The following HS3ST4 variants were observed in gnomAD, a reference collection of about 807,000 sequenced individuals.
The protein encoded by HS3ST4 is heparan sulfate glucosamine 3-O-sulfotransferase 4.
HS3ST4 carries 17 observed loss-of-function variants against 29.2 expected under a neutral mutation model. The observed-to-expected ratio is 0.58, with a 90% CI of 0.40 to 0.87. HS3ST4 has a LOEUF of 0.87. Among genes scored for constraint, HS3ST4 ranks in the 40% least tolerant of loss-of-function variants. The pLI is 0.00. For synonymous variants in HS3ST4, 314 were observed against 285.7 expected, an observed-to-expected ratio of 1.10 and a Z score of -1.00; for missense variants, 627 against 634.5, an observed-to-expected ratio of 0.99 and a Z score of 0.13.
chr16:26,114,588 G>A (rs995271968), intron 1 of HS3ST4, among the ~76,000 whole-genome samples: 1 of 152,208 alleles, frequency 6.6e-6, no homozygotes, highest in South Asian at 2.1e-4. Context: ...GTCAATAGTG[G>A]AAGCAGAGTG....
In HS3ST4 at chr16:26,051,319, A is replaced by G. The variant is rs533640836; in HGVS notation, c.735-84293A>G. 8.7e-4 allele frequency among the ~76,000 whole-genome samples: 133 copies of G among 152,266 alleles called. 1 individual carries two copies. The highest frequency in any genetic ancestry group is 3.1e-3 in the African/African-American group (127 of 41,546). ...AGAGACTGACAACTGCAAGAGCCAT[A>G]TGCAGATTTCAGGGCTGTCTACACA... On this transcript the variant is annotated intron_variant, in intron 1 of 1. Coordinates refer to ENST00000331351, the MANE Select transcript of HS3ST4 (RefSeq NM_006040.3).
At chr16:25,859,149 A>T (rs1181823922) in intron 1 of HS3ST4, among the ~76,000 whole-genome samples, 1 of 152,160 alleles carries the variant, frequency 6.6e-6, no homozygotes, top group Non-Finnish European at 1.5e-5. Flanking sequence ...TCACATATGA[A>T]TTCAGTCCTC....
At chr16:25,740,061 A>G (rs547163805) in intron 1 of HS3ST4, among the ~76,000 whole-genome samples, 18 of 151,586 alleles carry the variant, frequency 1.2e-4, no homozygotes, top group Non-Finnish European at 1.6e-4. Flanking sequence ...CTGACTTGGT[A>G]TGCCTGGGGT....
At chr16:25,914,426 T>C (rs963946812) in intron 1 of HS3ST4, among the ~76,000 whole-genome samples, 2 of 151,510 alleles carry the variant, frequency 1.3e-5, no homozygotes, top group Non-Finnish European at 2.9e-5. Context: ...GTGCGAGTTA[T>C]GTGTAGGGTG....
At chr16:25,849,299 T>C (rs751634172) in intron 1 of HS3ST4, among the ~76,000 whole-genome samples, 7 of 152,224 alleles carry the variant, frequency 4.6e-5, no homozygotes, top group Admixed American at 2.0e-4. Flanking sequence ...TGTATATACA[T>C]GTACGTGTAT....
intron 1 of HS3ST4, among the ~76,000 whole-genome samples, chr16:26,108,499 G>A (rs951393513): frequency 6.6e-6 from 1 of 152,154 alleles, no homozygotes; most frequent in African/African-American, 2.4e-5. Flanking sequence ...AAATCAAAAG[G>A]CAGAAGTGAA....
intron 1 of HS3ST4, among the ~76,000 whole-genome samples, chr16:25,904,155 AATGGATGAATGGATGG>A (rs1567268993): frequency 1.9e-5 from 1 of 52,648 alleles, no homozygotes; most frequent in South Asian, 6.2e-4. Flanking sequence ...TGGATGGATG[AATGGATGAATGGATGG>A]ATGGATGGAT....
intron 1 of HS3ST4, among the ~76,000 whole-genome samples, chr16:25,786,779 A>T (rs1170934980): frequency 6.6e-6 from 1 of 152,214 alleles, no homozygotes; most frequent in Non-Finnish European, 1.5e-5. Context: ...AATAGTTCAG[A>T]TCAAATGCTT....
chr16:25,982,570 G>A (rs539865981), intron 1 of HS3ST4, among the ~76,000 whole-genome samples: 24 of 152,336 alleles, frequency 1.6e-4, no homozygotes, highest in African/African-American at 5.8e-4. Flanking sequence ...GGCTTAGGCT[G>A]TAATGCCAAC....
chr16:25,730,392 C>T (rs187521243), intron 1 of HS3ST4, among the ~76,000 whole-genome samples: 16 of 147,530 alleles, frequency 1.1e-4, no homozygotes, highest in African/African-American at 3.0e-4. Flanking sequence ...TCCCCTCCCT[C>T]GTCCTTCTCT....
intron 1 of HS3ST4, among the ~76,000 whole-genome samples, chr16:26,085,984 C>T (rs1386191890): frequency 6.6e-6 from 1 of 152,102 alleles, no homozygotes; most frequent in Non-Finnish European, 1.5e-5. Context: ...GCTTTACCAA[C>T]ATGGACACAT....
chr16:26,086,849 A>T lies in HS3ST4; in HGVS notation c.735-48763A>T, dbSNP rs932408879. ...CTGCACCCCTCAGTCTTTTCTCTGTATTTTCTGACAACCTGATCTTGATTT... is the reference window on the plus strand; with the variant it reads ...CTGCACCCCTCAGTCTTTTCTCTGTTTTTTCTGACAACCTGATCTTGATTT... On this transcript the variant is annotated intron_variant, in intron 1 of 1. Coordinates refer to ENST00000331351, the MANE Select transcript of HS3ST4 (RefSeq NM_006040.3). Among the ~76,000 whole-genome samples the T allele has an allele frequency of 2.0e-5, 3 of 151,962 alleles. No individual in the cohort carries two copies. The East Asian group carries it at 5.8e-4, about 29-fold the overall frequency.
chr16:26,129,288 A>T (rs967371639), intron 1 of HS3ST4, among the ~76,000 whole-genome samples: 1 of 152,154 alleles, frequency 6.6e-6, no homozygotes, highest in African/African-American at 2.4e-5. Context: ...TTAAGATTCA[A>T]CTTTGCCACC....
Position 26,037,784 on chromosome 16 carries a change from G to A in HS3ST4, c.735-97828G>A, listed in dbSNP as rs532867628. On this transcript the variant is annotated intron_variant, in intron 1 of 1. Transcript: ENST00000331351. ...GATGGGTCTGTCAAAGGAAATTAGG[G>A]TGCCGCTACTTAAAGAAAGGGCACA... Among the ~76,000 whole-genome samples the A allele has an allele frequency of 5.3e-5, 8 of 152,252 alleles. No homozygotes were observed. In the East Asian group the frequency reaches 1.5e-3, roughly 29 times the overall value.
At chr16:25,871,906 T>G (rs946151252) in intron 1 of HS3ST4, among the ~76,000 whole-genome samples, 11 of 151,166 alleles carry the variant, frequency 7.3e-5, no homozygotes, top group Admixed American at 2.0e-4. Flanking sequence ...CTCTACTGTA[T>G]GGGAACAAGA....
At chr16:26,055,620 A>G (rs1260612134) in intron 1 of HS3ST4, among the ~76,000 whole-genome samples, 1 of 152,202 alleles carries the variant, frequency 6.6e-6, no homozygotes, top group African/African-American at 2.4e-5. Context: ...AGTTTCCCGC[A>G]TAATAATCCT....
At chr16:25,763,302 C>T (rs188134294) in intron 1 of HS3ST4, among the ~76,000 whole-genome samples, 7 of 152,264 alleles carry the variant, frequency 4.6e-5, no homozygotes, top group South Asian at 2.1e-4. Flanking sequence ...TCAGCTGCAT[C>T]TCCAGGATGG....
At chr16:25,965,185 G>T (rs890938051) in intron 1 of HS3ST4, among the ~76,000 whole-genome samples, 1 of 152,010 alleles carries the variant, frequency 6.6e-6, no homozygotes, top group African/African-American at 2.4e-5. Flanking sequence ...TAAACATCTG[G>T]TTCCTTTCAG....
chr16:25,931,230 C>T (rs937813695), intron 1 of HS3ST4, among the ~76,000 whole-genome samples: 3 of 152,212 alleles, frequency 2.0e-5, no homozygotes, highest in Non-Finnish European at 4.4e-5. Flanking sequence ...TGTGACCCCT[C>T]CAAGCTGGGA....
Sources: allele counts gnomAD v4.1 joint callset (sites outside exome capture counted in the v4.1 genomes callset), GRCh38; gene constraint gnomAD v4.1.1; transcripts MANE v1.5; gene names NCBI Gene and HGNC (gene_info 2026-07-23, HGNC 2026-07-21).